The following CHN1 variants were observed in gnomAD, a reference collection of about 807,000 sequenced individuals.
CHN1 encodes N-chimaerin.
Under a neutral mutation model 59.5 loss-of-function variants are expected in CHN1, and 37 were observed. That is an observed-to-expected ratio of 0.62 (90% CI 0.48 to 0.82). The LOEUF is 0.82. Among genes scored for constraint, CHN1 ranks in the 40% least tolerant of loss-of-function variants. The probability of loss-of-function intolerance (pLI) is 0.00; values close to 1 mark genes in which losing one functional copy is unlikely to be tolerated. For missense variants in CHN1, 469 were observed against 571.0 expected (o/e 0.82, Z 1.82); for synonymous variants, 206 against 200.4 (o/e 1.03, Z -0.24).
At chr2:174,882,441 C>T (rs1013498032) in intron 5 of CHN1, among the ~76,000 whole-genome samples, 4 of 152,028 alleles carry the variant, frequency 2.6e-5, no homozygotes, top group South Asian at 2.1e-4. Context: ...TAAATCATAT[C>T]GACAAAAAAT....
intron 3 of CHN1, among the ~76,000 whole-genome samples, chr2:174,941,279 C>T (rs1281565280): frequency 1.3e-5 from 2 of 152,130 alleles, no homozygotes; most frequent in African/African-American, 4.8e-5. Flanking sequence ...AAAAACATTG[C>T]CTCCTTTTGG....
chr2:174,877,814 T>TA (rs1392161357), intron 6 of CHN1, 26 bp downstream of exon 6: 5 of 1,591,798 alleles, frequency 3.1e-6, no homozygotes, highest in Admixed American at 1.7e-5. Context: ...CAGAAAAAGA[T>TA]AAAGTGTGGT....
At chr2:174,906,066 A>G (rs1688534109) in intron 5 of CHN1, among the ~76,000 whole-genome samples, 1 of 152,150 alleles carries the variant, frequency 6.6e-6, no homozygotes, top group African/African-American at 2.4e-5. Flanking sequence ...TGATTCCTCA[A>G]AAGGTTACTT....
chr2:174,915,083 G>GCTGC lies in CHN1; in HGVS notation c.231_234dup (p.Pro79AlafsTer34). ...CTTAAAGCCAAAGTGTAGGTCCCTG[G>GCTGC]CTGCCGCTGGCTCTCCCGGATGAGG... On this transcript the variant is annotated frameshift_variant, in exon 5 of 13. Transcript: ENST00000409900. LOFTEE classifies it high-confidence loss of function. 6.2e-7 allele frequency: 1 copy of GCTGC among 1,610,968 alleles called. No individual in the cohort carries two copies. The highest frequency in any genetic ancestry group is 8.5e-7 in the Non-Finnish European group (1 of 1,178,658).
At chr2:174,875,170 C>T (rs1225734863) in intron 6 of CHN1, among the ~76,000 whole-genome samples, 3 of 152,072 alleles carry the variant, frequency 2.0e-5, no homozygotes, top group Admixed American at 6.5e-5. Flanking sequence ...CCACCATGCC[C>T]GGCCAGGATC....
intron 8 of CHN1, 82 bp downstream of exon 8, chr2:174,824,352 T>G: frequency 5.9e-6 from 6 of 1,024,818 alleles, no homozygotes; most frequent in Non-Finnish European, 8.6e-6. Context: ...CTACTGGATA[T>G]GCATAACAAC....
intron 5 of CHN1, among the ~76,000 whole-genome samples, chr2:174,913,944 TATGA>T (rs949769736): frequency 4.6e-5 from 7 of 152,216 alleles, no homozygotes; most frequent in Non-Finnish European, 7.3e-5. Flanking sequence ...TGAATGTATA[TATGA>T]ATGAACAAAT....
At chr2:174,950,592 T>C (rs1309671674) in intron 2 of CHN1, among the ~76,000 whole-genome samples, 1 of 151,976 alleles carries the variant, frequency 6.6e-6, no homozygotes, top group African/African-American at 2.4e-5. Context: ...GCGAGATATG[T>C]GAAGCTACAA....
intron 1 of CHN1, among the ~76,000 whole-genome samples, chr2:174,996,043 T>C (rs969433870): frequency 4.0e-5 from 6 of 151,766 alleles, no homozygotes; most frequent in African/African-American, 7.3e-5. Flanking sequence ...GGAAAAAACA[T>C]AGTAGATAAT....
At chr2:174,835,329 TG>T (rs1686037881) in intron 7 of CHN1, among the ~76,000 whole-genome samples, 1 of 152,246 alleles carries the variant, frequency 6.6e-6, no homozygotes, top group Non-Finnish European at 1.5e-5. Flanking sequence ...TCCTTAACAC[TG>T]GTTTTCAGCA....
At chr2:174,926,762 A>AT (rs879446616) in intron 3 of CHN1, among the ~76,000 whole-genome samples, 101 of 140,218 alleles carry the variant, frequency 7.2e-4, no homozygotes, top group Middle Eastern at 3.7e-3. Flanking sequence ...TACCCACACC[A>AT]TTTTTTTTTT....
At chr2:174,972,646 G>C (rs1331142041) in intron 1 of CHN1, among the ~76,000 whole-genome samples, 1 of 152,176 alleles carries the variant, frequency 6.6e-6, no homozygotes, top group Non-Finnish European at 1.5e-5. Flanking sequence ...AGCAAAGAAA[G>C]TAAAGTGAGA....
intron 10 of CHN1, chr2:174,810,927 T>G (rs1370667377): frequency 6.6e-6 from 1 of 152,262 alleles, no homozygotes; most frequent in East Asian, 1.9e-4. Context: ...TGGAGAGCCA[T>G]GGAAGCAAAT....
At chr2:174,996,982 T>G (rs1297886255) in intron 1 of CHN1, among the ~76,000 whole-genome samples, 3 of 152,166 alleles carry the variant, frequency 2.0e-5, no homozygotes, top group Non-Finnish European at 2.9e-5. Context: ...GGTAACCCCT[T>G]ACCCCTCACT....
intron 1 of CHN1, among the ~76,000 whole-genome samples, chr2:174,956,497 G>T (rs187513393): frequency 6.6e-6 from 1 of 152,154 alleles, no homozygotes; most frequent in Non-Finnish European, 1.5e-5. Context: ...CAGGCCGGGC[G>T]TGGTGGCTCA....
Position 175,004,878 on chromosome 2 carries a change from A to C in CHN1, c.19+16T>G. ...GCGGCCCACCTGCGGCGGCGCGGGG[A>C]GACGGCTGCACTTACCAAACAGGGT... On this transcript the variant is annotated intron_variant, in intron 1 of 12. Coordinates refer to ENST00000409900, the MANE Select transcript of CHN1 (RefSeq NM_001822.7). The C allele has an allele frequency of 7.2e-7, 1 of 1,379,900 alleles. No homozygotes were observed. Among genetic ancestry groups the C allele is most frequent in the Admixed American group, 2.5e-5 (1 of 40,790 alleles). The allele number at this position is 1,379,900 out of a possible 1,614,324, so 85.5% of individuals were successfully genotyped here.
chr2:174,810,534 C>T (rs1398458432), intron 10 of CHN1, among the ~76,000 whole-genome samples: 3 of 152,184 alleles, frequency 2.0e-5, no homozygotes, highest in Admixed American at 1.3e-4. Flanking sequence ...TGGGAATGGA[C>T]ATGCTCAGTT....
At position 174,824,470 on chromosome 2, in the gene CHN1, T is replaced by G. The variant is rs1188037570; in HGVS notation, c.676A>C (p.Met226Leu). ...ACTCCCTGAGCAATGAGACCCCACA[T>G]AAAGTTGGCACAGTATTCACACCAG... Reference protein sequence around the residue: ...PHWCEYCANFMWGLIAQGVKC... With the variant: ...PHWCEYCANFLWGLIAQGVKC... Residue 226 changes from methionine (M) to leucine (L), a missense_variant, in exon 8 of 13, where the codon ATG becomes CTG. Physicochemically the swap from Met to Leu is conservative, Grantham distance 15. Transcript: ENST00000409900. 4 of 1,605,558 alleles carry G rather than the reference T, an allele frequency of 2.5e-6. No homozygotes were observed. In the Admixed American group the frequency reaches 6.8e-5, roughly 27 times the overall value.
chr2:174,805,669 A>G (rs1684861247), intron 11 of CHN1, among the ~76,000 whole-genome samples: 1 of 152,232 alleles, frequency 6.6e-6, no homozygotes, highest in Non-Finnish European at 1.5e-5. Context: ...AAATGTGAAC[A>G]TTGTCCGAGA....
Sources: allele counts gnomAD v4.1 joint callset (sites outside exome capture counted in the v4.1 genomes callset), GRCh38; gene constraint gnomAD v4.1.1; transcripts MANE v1.5; gene names NCBI Gene and HGNC (gene_info 2026-07-23, HGNC 2026-07-21).